The following CHD3 variants were observed in gnomAD, a reference collection of about 807,000 sequenced individuals.
The protein encoded by CHD3 is ATP-dependent chromatin remodeler CHD3.
Under a neutral mutation model 248.9 loss-of-function variants are expected in CHD3, and 52 were observed. The observed-to-expected ratio is 0.21, with a 90% CI of 0.17 to 0.26. The LOEUF (loss-of-function observed/expected upper bound fraction) is 0.26, where lower values mean the gene tolerates loss of function less well. CHD3 is among the 10% of genes least tolerant of loss of function. CHD3 has a pLI of 1.00. For synonymous variants in CHD3, 985 were observed against 985.2 expected, an observed-to-expected ratio of 1.00 and a Z score of 0.00; for missense variants, 1,482 against 2,605.8, an observed-to-expected ratio of 0.57 and a Z score of 9.39.
intron 8 of CHD3, 123 bp downstream of exon 8, chr17:7,894,731 G>A: frequency 7.4e-7 from 1 of 1,342,534 alleles, no homozygotes; most frequent in Non-Finnish European, 1.0e-6. Context: ...ATGTCCGAGT[G>A]TCTAGGATCC....
Sources: allele counts gnomAD v4.1 joint callset, GRCh38; gene constraint gnomAD v4.1.1; transcripts MANE v1.5; gene names NCBI Gene and HGNC (gene_info 2026-07-23, HGNC 2026-07-21).